Variants in GABRR2 observed in about 807,000 individuals in gnomAD.
GABRR2 encodes gamma-aminobutyric acid type A receptor subunit rho2.
In GABRR2, 36 loss-of-function variants were observed where a neutral mutation model predicts 47.0. That is an observed-to-expected ratio of 0.77 (90% confidence interval 0.59 to 1.01). GABRR2 has a LOEUF of 1.01. Among genes scored for constraint, GABRR2 ranks in the 50% least tolerant of loss-of-function variants. GABRR2 has a pLI of 0.00. For synonymous variants in GABRR2, 204 were observed against 227.5 expected, an observed-to-expected ratio of 0.90 and a Z score of 0.93; for missense variants, 587 against 594.6, an observed-to-expected ratio of 0.99 and a Z score of 0.13.
chr6:89,291,250 C>T (rs1036351288), intron 2 of GABRR2, among the ~76,000 whole-genome samples: 2 of 152,064 alleles, frequency 1.3e-5, no homozygotes, highest in Non-Finnish European at 2.9e-5. Context: ...TGGCCTGGAG[C>T]ATCCCTGAAG....
chr6:89,292,860 TTATATATC>T (rs1774495810), intron 2 of GABRR2, among the ~76,000 whole-genome samples: 1 of 139,530 alleles, frequency 7.2e-6, no homozygotes, highest in African/African-American at 2.9e-5. Flanking sequence ...ATATCATATA[TTATATATC>T]TATATATCAT....
At position 89,269,199 on chromosome 6, in the gene GABRR2, C is replaced by T. The variant is rs775218481; in HGVS notation, c.324G>A (p.Trp108Ter). 8 of 1,613,916 alleles carry T rather than the reference C, an allele frequency of 5.0e-6. No individual in the cohort carries two copies. The African/African-American group carries it at 1.1e-4, about 22-fold the overall frequency. ...FTMTLYLRHY[W>*]KDERLAFSSA... is the part of the protein sequence containing the mutation. The stretch of plus-strand genomic sequence containing the variant: ...TGGAGAAAGCTAGCCTCTCATCCTT[C>T]CAGTAATGCCGCAGGTACAGGGTCA... Residue 108 changes from tryptophan to a stop codon, truncating the protein, a stop_gained, in exon 4 of 9, where the codon TGG becomes TGA. Transcript: ENST00000402938. LOFTEE classifies it high-confidence loss of function.
chr6:89,302,819 C>T (rs1334175731), intron 1 of GABRR2: 22 of 1,417,942 alleles, frequency 1.6e-5, no homozygotes, highest in Middle Eastern at 2.0e-4. Context: ...TGAAGGTGGA[C>T]GTGTGTGACA....
chr6:89,276,744 A>G (rs929902153), intron 2 of GABRR2, among the ~76,000 whole-genome samples: 14 of 152,226 alleles, frequency 9.2e-5, no homozygotes, highest in Non-Finnish European at 1.8e-4. Context: ...TAAAAATCGT[A>G]GATAAACTAT....
rs138550633 is a variant in GABRR2, at chr6:89,264,328, C to G, written c.1086+84G>C. 526 of 1,445,406 alleles carry G rather than the reference C, an allele frequency of 3.6e-4. 1 individual carries two copies. The East Asian group carries it at 1.0e-2, about 27-fold the overall frequency. The allele number at this position is 1,445,406 out of a possible 1,614,324, so 89.5% of individuals were successfully genotyped here. ...AACATCTCCTTTTTCTACATGCAAC[C>G]CCTGCCTCTGCCCCCTGGCCCAGAA... On this transcript the variant is annotated intron_variant, in intron 8 of 8. Coordinates refer to ENST00000402938, the MANE Select transcript of GABRR2 (RefSeq NM_002043.5).
At chr6:89,285,260 G>A (rs544331561) in intron 2 of GABRR2, among the ~76,000 whole-genome samples, 1 of 152,372 alleles carries the variant, frequency 6.6e-6, no homozygotes, top group Admixed American at 6.5e-5. Flanking sequence ...CAAGGGAATT[G>A]TTGTTACTGG....
chr6:89,302,663 G>A (rs1382483853), intron 1 of GABRR2: 1 of 1,292,280 alleles, frequency 7.7e-7, no homozygotes, highest in Non-Finnish European at 1.1e-6. Flanking sequence ...AGAACATGAT[G>A]GCTGCCCGCG....
intron 2 of GABRR2, 101 bp downstream of exon 2, chr6:89,299,658 C>T (rs1018067779): frequency 3.9e-5 from 29 of 735,150 alleles, no homozygotes; most frequent in Non-Finnish European, 6.2e-5. Flanking sequence ...GGGAAAATTG[C>T]ACCATCTGAG....
rs34617047 is a variant in GABRR2 at position 89,299,793 on chromosome 6, G to A, written c.186C>T (p.Asp62=). The A allele has an allele frequency of 1.7e-3, 2,811 of 1,613,790 alleles. 40 individuals are homozygous for A. The African/African-American group carries it at 0.034, about 19-fold the overall frequency. The change falls in exon 2 of 9, where the codon GAC becomes GAT. Residue 62 remains aspartate, a synonymous_variant. Transcript: ENST00000402938. ...KGKPQQLLRV[D]EHDFSMRPAF... is the part of the protein sequence containing the mutation. ...CGGGTCTCATGCTGAAGTCGTGCTC[G>A]TCCACTCTGAGAAGCTGCTGAGGCT...
rs181377664 is a variant in GABRR2 at position 89,300,392 on chromosome 6, C to T, written c.114-527G>A. On this transcript the variant is annotated intron_variant, in intron 1 of 8. Coordinates refer to ENST00000402938, the MANE Select transcript of GABRR2 (RefSeq NM_002043.5). Reference sequence around the variant, plus strand: ...GGGCATGGTGGCACACACCTGTAGTCCCAGCTACTCAGGAGGCTAGGGCAC... The same window carrying T: ...GGGCATGGTGGCACACACCTGTAGTTCCAGCTACTCAGGAGGCTAGGGCAC... Among the ~76,000 whole-genome samples the T allele has an allele frequency of 6.4e-4, 97 of 152,132 alleles. No individual in the cohort carries two copies. In the East Asian group the frequency reaches 0.013, roughly 20 times the overall value.
rs550299552 is a variant in GABRR2, at chr6:89,304,486, C to T, written c.114-4621G>A. ...CACCTGTAATCCCAGCTATTTGGGA[C>T]ACTGAGGCACGAGAATCACTTGAAC... On this transcript the variant is annotated intron_variant, in intron 1 of 8. Transcript: ENST00000402938. Among the ~76,000 whole-genome samples the T allele has an allele frequency of 4.0e-5, 6 of 151,366 alleles. No individual in the cohort carries two copies. The East Asian group carries it at 5.9e-4, about 15-fold the overall frequency.
chr6:89,310,253 C>T (rs1367666171), intron 1 of GABRR2, among the ~76,000 whole-genome samples: 1 of 152,184 alleles, frequency 6.6e-6, no homozygotes, highest in Non-Finnish European at 1.5e-5. Context: ...GGCACCGCCT[C>T]ACTCCAAGCC....
intron 2 of GABRR2, among the ~76,000 whole-genome samples, chr6:89,294,437 C>T (rs886275647): frequency 2.6e-5 from 4 of 152,362 alleles, no homozygotes; most frequent in Middle Eastern, 6.8e-3. Flanking sequence ...TGAGCCACCA[C>T]ACCCAGCCTC....
At chr6:89,274,817 G>A (rs1774127899) in intron 2 of GABRR2, among the ~76,000 whole-genome samples, 1 of 151,980 alleles carries the variant, frequency 6.6e-6, no homozygotes, top group Non-Finnish European at 1.5e-5. Context: ...AGTAAGCTGT[G>A]AGCGTGCGCC....
intron 7 of GABRR2, among the ~76,000 whole-genome samples, chr6:89,265,208 C>T (rs1773863273): frequency 6.6e-6 from 1 of 152,138 alleles, no homozygotes. Context: ...CCTCCTTTTC[C>T]CACAAATCTC....
In GABRR2 at chr6:89,265,843, C is replaced by T. The variant is rs1448466596; in HGVS notation, c.737-78G>A. 3.4e-6 allele frequency: 5 copies of T among 1,457,212 alleles called. No homozygotes were observed. The African/African-American group carries it at 4.2e-5, about 12-fold the overall frequency. 90.3% of individuals were successfully genotyped at this position (1,457,212 alleles called of 1,614,324 possible). A position where few individuals can be genotyped will look rare whatever the true frequency, so the allele number is the denominator to read the frequency against. On this transcript the variant is annotated intron_variant, in intron 6 of 8. Coordinates refer to ENST00000402938, the MANE Select transcript of GABRR2 (RefSeq NM_002043.5). Reference sequence around the variant, plus strand: ...ACTGTGTCCCTGGGAACCCGTCTTTCACTGACTTGGCTCTCCTCAGCAACA... The same window carrying T: ...ACTGTGTCCCTGGGAACCCGTCTTTTACTGACTTGGCTCTCCTCAGCAACA...
At chr6:89,265,862 A>G (rs1773883963) in intron 6 of GABRR2, 97 bp from the exon 7 acceptor site, 8 of 1,206,466 alleles carry the variant, frequency 6.6e-6, no homozygotes, top group Middle Eastern at 2.0e-4. Flanking sequence ...GGCTCTCCTC[A>G]GCAACAGAAA....
At chr6:89,277,754 A>T (rs774693355) in intron 2 of GABRR2, among the ~76,000 whole-genome samples, 4 of 151,490 alleles carry the variant, frequency 2.6e-5, no homozygotes, top group Non-Finnish European at 5.9e-5. Flanking sequence ...CCACAATAAG[A>T]TATTCTTACT....
intron 1 of GABRR2, among the ~76,000 whole-genome samples, chr6:89,304,496 C>G (rs986473953): frequency 3.3e-5 from 5 of 150,596 alleles, no homozygotes; most frequent in African/African-American, 4.9e-5. Context: ...CACTGAGGCA[C>G]GAGAATCACT....
Sources: allele counts gnomAD v4.1 joint callset (sites outside exome capture counted in the v4.1 genomes callset), GRCh38; gene constraint gnomAD v4.1.1; transcripts MANE v1.5; gene names NCBI Gene and HGNC (gene_info 2026-07-23, HGNC 2026-07-21).